Variants in RBFOX3 observed in about 807,000 individuals in gnomAD.
RBFOX3 encodes RNA binding protein fox-1 homolog 3.
RBFOX3 carries 17 observed loss-of-function variants against 48.7 expected under a neutral mutation model. The observed-to-expected ratio is 0.35, with a 90% CI of 0.24 to 0.52. RBFOX3 has a LOEUF of 0.52. Ranked by LOEUF, RBFOX3 falls within the 20% of genes least tolerant of loss-of-function variation. The pLI is 0.94. For synonymous variants in RBFOX3, 212 were observed against 209.5 expected (o/e 1.01, Z -0.10); for missense variants, 382 against 497.5 (o/e 0.77, Z 2.21).
At chr17:79,344,405 TA>T (rs1044519510) in intron 2 of RBFOX3, among the ~76,000 whole-genome samples, 1 of 151,972 alleles carries the variant, frequency 6.6e-6, no homozygotes, top group African/African-American at 2.4e-5. Context: ...CAAGCACCAA[TA>T]AAAACAAGGA....
chr17:79,297,421 A>G (rs768511138), intron 3 of RBFOX3, among the ~76,000 whole-genome samples: 1 of 152,194 alleles, frequency 6.6e-6, no homozygotes, highest in Non-Finnish European at 1.5e-5. Context: ...TAACTAGTAG[A>G]GCAGGTGAGA....
chr17:79,597,369 C>T (rs1480693616), intron 1 of RBFOX3, among the ~76,000 whole-genome samples: 3 of 152,130 alleles, frequency 2.0e-5, no homozygotes, highest in African/African-American at 2.4e-5. Context: ...AGTCCTCCTA[C>T]AGACTTGTAG....
intron 5 of RBFOX3, among the ~76,000 whole-genome samples, chr17:79,107,718 G>A (rs993321832): frequency 2.0e-5 from 3 of 152,246 alleles, no homozygotes; most frequent in Admixed American, 6.5e-5. Flanking sequence ...TCACGACCTA[G>A]GCCCAGGCCC....
intron 2 of RBFOX3, among the ~76,000 whole-genome samples, chr17:79,338,369 C>A (rs1242500962): frequency 6.7e-6 from 1 of 149,722 alleles, no homozygotes; most frequent in African/African-American, 2.5e-5. Context: ...CTGCCCTGAG[C>A]CGAGAATATC....
At chr17:79,273,251 G>A (rs375845887) in intron 3 of RBFOX3, among the ~76,000 whole-genome samples, 33 of 152,274 alleles carry the variant, frequency 2.2e-4, no homozygotes, top group African/African-American at 7.5e-4. Flanking sequence ...CAGGAGTGAC[G>A]TCCACCACCA....
intron 1 of RBFOX3, among the ~76,000 whole-genome samples, chr17:79,539,491 C>G (rs555442145): frequency 6.6e-6 from 1 of 152,136 alleles, no homozygotes; most frequent in African/African-American, 2.4e-5. Flanking sequence ...ATACACATAA[C>G]CTTTGCCCCA....
the RBFOX3 span, among the ~76,000 whole-genome samples, chr17:79,661,104 A>G: frequency 1.3e-5 from 2 of 152,182 alleles, no homozygotes; most frequent in Admixed American, 1.3e-4. Context: ...GGTTGGGGGA[A>G]TAACACACAC....
At chr17:79,346,306 T>C (rs1298020595) in intron 2 of RBFOX3, among the ~76,000 whole-genome samples, 1 of 152,226 alleles carries the variant, frequency 6.6e-6, no homozygotes, top group Admixed American at 6.5e-5. Flanking sequence ...GATCTAATAG[T>C]GTACTTTGTA....
chr17:79,643,638 T>C, the RBFOX3 span, among the ~76,000 whole-genome samples: 2 of 152,198 alleles, frequency 1.3e-5, no homozygotes, highest in African/African-American at 2.4e-5. Context: ...CAATAAGATA[T>C]ATGGGAAAAT....
chr17:79,127,540 T>C (rs567384940), intron 4 of RBFOX3, among the ~76,000 whole-genome samples: 1 of 152,316 alleles, frequency 6.6e-6, no homozygotes, highest in East Asian at 1.9e-4. Flanking sequence ...AAAGAAGTTT[T>C]AGGGAAAATA....
chr17:79,159,209 C>T (rs1309324363), intron 4 of RBFOX3, among the ~76,000 whole-genome samples: 1 of 152,028 alleles, frequency 6.6e-6, no homozygotes, highest in East Asian at 1.9e-4. Flanking sequence ...ATGCCCAGCA[C>T]CAGGTGAGCT....
At chr17:79,513,759 G>A (rs984376575) in intron 1 of RBFOX3, among the ~76,000 whole-genome samples, 22 of 152,206 alleles carry the variant, frequency 1.4e-4, no homozygotes, top group African/African-American at 2.2e-4. Flanking sequence ...CGGTACAGGC[G>A]CTGGGCACTT....
the RBFOX3 span, among the ~76,000 whole-genome samples, chr17:79,632,580 C>T: frequency 2.6e-5 from 4 of 152,182 alleles, no homozygotes; most frequent in East Asian, 7.8e-4. Flanking sequence ...GAAGCCAGTG[C>T]TCTTCCCTGG....
intron 5 of RBFOX3, 80 bp downstream of exon 5, chr17:79,115,414 C>T: frequency 3.2e-6 from 3 of 930,266 alleles, no homozygotes; most frequent in Middle Eastern, 2.7e-4. Context: ...CACCTCATGC[C>T]CTTCTGGGCC....
intron 3 of RBFOX3, among the ~76,000 whole-genome samples, chr17:79,280,033 G>A (rs1283278141): frequency 4.6e-5 from 7 of 152,098 alleles, no homozygotes; most frequent in African/African-American, 1.7e-4. Flanking sequence ...TCACCATTAA[G>A]AATGTCACCA....
intron 2 of RBFOX3, among the ~76,000 whole-genome samples, chr17:79,377,570 G>C (rs559503700): frequency 6.6e-6 from 1 of 152,304 alleles, no homozygotes; most frequent in Admixed American, 6.5e-5. Flanking sequence ...ACTCCCCTTT[G>C]GTAGGACGCA....
intron 1 of RBFOX3, among the ~76,000 whole-genome samples, chr17:79,500,604 A>C (rs915734860): frequency 1.6e-3 from 240 of 152,280 alleles, no homozygotes; most frequent in Non-Finnish European, 2.9e-3. Flanking sequence ...GTCGTGCAGT[A>C]ATAGCTAACT....
chr17:79,093,173 G>A (rs2074322970), intron 14 of RBFOX3, among the ~76,000 whole-genome samples: 1 of 152,152 alleles, frequency 6.6e-6, no homozygotes, highest in South Asian at 2.1e-4. Context: ...GGGCCCACCT[G>A]AGGCCCAGCC....
At chr17:79,610,459 A>G (rs1178497579) in intron 1 of RBFOX3, among the ~76,000 whole-genome samples, 2 of 151,214 alleles carry the variant, frequency 1.3e-5, no homozygotes, top group Non-Finnish European at 3.0e-5. Flanking sequence ...CGCCACAGCC[A>G]CCACCACCGC....
Sources: allele counts gnomAD v4.1 joint callset (sites outside exome capture counted in the v4.1 genomes callset), GRCh38; gene constraint gnomAD v4.1.1; transcripts MANE v1.5; gene names NCBI Gene and HGNC (gene_info 2026-07-23, HGNC 2026-07-21).